ROR1: variants seen among roughly 807,000 people sequenced by gnomAD.
ROR1 encodes ROR family WNT receptor 1, also known as inactive tyrosine-protein kinase transmembrane receptor ROR1.
A neutral mutation model predicts 78.8 loss-of-function variants in ROR1; 19 were observed. The observed-to-expected ratio is 0.24, with a 90% CI of 0.17 to 0.35. The LOEUF is 0.35. Ranked by LOEUF, ROR1 falls within the 10% of genes least tolerant of loss-of-function variation. The pLI is 1.00. For missense variants in ROR1, 917 were observed against 1,177.8 expected, an observed-to-expected ratio of 0.78 and a Z score of 3.24; for synonymous variants, 386 against 433.6, an observed-to-expected ratio of 0.89 and a Z score of 1.36.
chr1:63,899,608 T>C (rs1169655567), intron 1 of ROR1, among the ~76,000 whole-genome samples: 1 of 152,056 alleles, frequency 6.6e-6, no homozygotes. Context: ...GTCAAAGATG[T>C]ACTTGTGAAT....
intron 4 of ROR1, among the ~76,000 whole-genome samples, chr1:64,059,906 G>A (rs1307628046): frequency 1.3e-5 from 2 of 152,056 alleles, no homozygotes; most frequent in Non-Finnish European, 1.5e-5. Flanking sequence ...TGACTGCTGG[G>A]GTGCTAGTTT....
chr1:63,974,218 A>G (rs775705012), intron 1 of ROR1, among the ~76,000 whole-genome samples: 6 of 152,324 alleles, frequency 3.9e-5, no homozygotes, highest in Non-Finnish European at 5.9e-5. Flanking sequence ...TTGGGTTTAA[A>G]CCTTGAATTA....
intron 1 of ROR1, among the ~76,000 whole-genome samples, chr1:63,915,965 A>G (rs1041040982): frequency 2.0e-5 from 3 of 152,162 alleles, no homozygotes; most frequent in Non-Finnish European, 2.9e-5. Context: ...GGGCCACTGC[A>G]GTGTCCCTCT....
At chr1:63,924,685 TAA>T (rs1645685199) in intron 1 of ROR1, among the ~76,000 whole-genome samples, 2 of 152,178 alleles carry the variant, frequency 1.3e-5, no homozygotes, top group African/African-American at 4.8e-5. Context: ...TTACCGAGCT[TAA>T]AGTTTGACAG....
intron 4 of ROR1, among the ~76,000 whole-genome samples, chr1:64,081,519 A>G (rs1234348359): frequency 6.6e-6 from 1 of 152,070 alleles, no homozygotes; most frequent in Admixed American, 6.5e-5. Flanking sequence ...GCTCACACCT[A>G]TAATCCCAGC....
intron 1 of ROR1, among the ~76,000 whole-genome samples, chr1:63,886,240 C>T (rs1187705374): frequency 2.0e-5 from 3 of 152,126 alleles, no homozygotes; most frequent in Non-Finnish European, 2.9e-5. Flanking sequence ...ACTCTCCCAC[C>T]GCTCACCTCC....
chr1:64,127,481 CCTCTCTCTGTCTCTCT>C lies in ROR1; in HGVS notation c.483-9852_483-9837del, dbSNP rs1205837729. Among the ~76,000 whole-genome samples the C allele has an allele frequency of 1.6e-3, 245 of 151,132 alleles. 2 individuals carry two copies. The South Asian group carries it at 0.022, about 13-fold the overall frequency. Reference sequence around the variant, plus strand: ...TGTGTGTCTGTCTCTTTCTCTGTCTCCTCTCTCTGTCTCTCTCTCTCTCTGTCTCTCTCTCTCTCTG... The same window carrying C: ...TGTGTGTCTGTCTCTTTCTCTGTCTCCTCTCTCTGTCTCTCTCTCTCTCTG... On this transcript the variant is annotated intron_variant, in intron 4 of 8. Coordinates refer to ENST00000371079, the MANE Select transcript of ROR1 (RefSeq NM_005012.4).
intron 1 of ROR1, among the ~76,000 whole-genome samples, chr1:63,844,250 A>G (rs532864994): frequency 1.3e-5 from 2 of 152,126 alleles, no homozygotes; most frequent in Admixed American, 1.3e-4. Flanking sequence ...ATCTGGCTAC[A>G]TGGTTTTCTG....
At position 63,788,542 on chromosome 1, in the gene ROR1, C is replaced by T. The variant is rs1292698286; in HGVS notation, c.91+14034C>T. Among the ~76,000 whole-genome samples, 3 of 151,734 alleles carry T rather than the reference C, an allele frequency of 2.0e-5. No individual in the cohort carries two copies. In the East Asian group the frequency reaches 5.8e-4, roughly 29 times the overall value. ...TTTTGTGGATCAAGAAGGAAAGAGGCCGGCATTGATTGGAATTACTGGGAG... is the reference window on the plus strand; with the variant it reads ...TTTTGTGGATCAAGAAGGAAAGAGGTCGGCATTGATTGGAATTACTGGGAG... On this transcript the variant is annotated intron_variant, in intron 1 of 8. Coordinates refer to ENST00000371079, the MANE Select transcript of ROR1 (RefSeq NM_005012.4).
intron 4 of ROR1, among the ~76,000 whole-genome samples, chr1:64,107,764 T>G (rs1397880375): frequency 6.6e-6 from 1 of 152,108 alleles, no homozygotes; most frequent in Non-Finnish European, 1.5e-5. Flanking sequence ...AAATAGAATT[T>G]TACTGGGCCT....
Position 63,774,149 on chromosome 1 carries a change from C to G in ROR1, c.-269C>G, listed in dbSNP as rs2100209993. On this transcript the variant is annotated 5_prime_UTR_variant, in exon 1 of 9. Transcript: ENST00000371079. This position sits in a 1 kb window ranked among gnomAD's most constrained non-coding sequence, Gnocchi z 5.7. ...TCCGACCCAGGGCGACTCACGCCCA[C>G]TGGTGCGACCCGGACAGCCTGGGAC... 1 of 202,546 alleles carries G rather than the reference C, an allele frequency of 4.9e-6. No homozygotes were observed. Among genetic ancestry groups the G allele is most frequent in the East Asian group, 1.2e-4 (1 of 8,462 alleles). The allele number at this position is 202,546 out of a possible 1,614,324, so 12.5% of individuals were successfully genotyped here.
intron 2 of ROR1, among the ~76,000 whole-genome samples, chr1:64,045,674 A>G (rs55990433): frequency 4.3e-4 from 66 of 152,318 alleles, no homozygotes; most frequent in African/African-American, 1.5e-3. Flanking sequence ...TTCCATGTGT[A>G]AAATGTTCAT....
intron 1 of ROR1, among the ~76,000 whole-genome samples, chr1:63,941,554 G>A (rs1423457238): frequency 6.6e-6 from 1 of 152,206 alleles, no homozygotes; most frequent in Non-Finnish European, 1.5e-5. Flanking sequence ...AAGTCACTGA[G>A]CCTTTCTAAC....
intron 1 of ROR1, among the ~76,000 whole-genome samples, chr1:63,885,483 G>T (rs557149283): frequency 6.6e-6 from 1 of 152,286 alleles, no homozygotes; most frequent in Admixed American, 6.5e-5. Flanking sequence ...GGGGATCAGT[G>T]GTGGTTTCTG....
At chr1:63,900,358 G>A (rs891187718) in intron 1 of ROR1, among the ~76,000 whole-genome samples, 3 of 149,362 alleles carry the variant, frequency 2.0e-5, no homozygotes, top group Non-Finnish European at 4.4e-5. Flanking sequence ...GGAGGCTGAG[G>A]CAGGATAATC....
chr1:64,079,406 T>C lies in ROR1; in HGVS notation c.482+28690T>C, dbSNP rs906853362. Among the ~76,000 whole-genome samples the C allele has an allele frequency of 2.0e-5, 3 of 152,270 alleles. No individual in the cohort carries two copies. In the South Asian group the frequency reaches 6.2e-4, roughly 32 times the overall value. ...TTAATATATGGAGCATTGAAATAGA[T>C]AGCAGCCAATTTTGGCATTCTTGCA... is the stretch of plus-strand genomic sequence containing the variant. On this transcript the variant is annotated intron_variant, in intron 4 of 8. Coordinates refer to ENST00000371079, the MANE Select transcript of ROR1 (RefSeq NM_005012.4).
intron 1 of ROR1, among the ~76,000 whole-genome samples, chr1:63,943,300 G>A (rs984034194): frequency 1.3e-5 from 2 of 152,126 alleles, no homozygotes; most frequent in African/African-American, 4.8e-5. Flanking sequence ...GGGAATGGTT[G>A]CTCCTCTGTA....
intron 1 of ROR1, among the ~76,000 whole-genome samples, chr1:63,931,672 A>G (rs1295256641): frequency 2.0e-5 from 3 of 152,116 alleles, no homozygotes; most frequent in African/African-American, 7.2e-5. Flanking sequence ...GCTGTCTACA[A>G]TTTCTAGAGC....
At chr1:63,859,262 A>G (rs1645166044) in intron 1 of ROR1, among the ~76,000 whole-genome samples, 1 of 152,096 alleles carries the variant, frequency 6.6e-6, no homozygotes, top group Non-Finnish European at 1.5e-5. Context: ...ATCCTACTCA[A>G]TGTTTTCTTG....
Sources: allele counts gnomAD v4.1 joint callset (sites outside exome capture counted in the v4.1 genomes callset), GRCh38; gene constraint gnomAD v4.1.1; non-coding constraint Gnocchi (gnomAD v3.1); transcripts MANE v1.5; gene names NCBI Gene and HGNC (gene_info 2026-07-23, HGNC 2026-07-21).